Variants in PIEZO1 observed in about 807,000 individuals in gnomAD.
PIEZO1 encodes piezo type mechanosensitive ion channel component 1 (Er blood group).
In PIEZO1, 296 loss-of-function variants were observed where a neutral mutation model predicts 297.2. The ratio of observed to expected loss-of-function variants is 1.00; its 90% CI spans 0.91 to 1.10. PIEZO1 has a LOEUF of 1.10. Ranked by LOEUF, PIEZO1 falls within the 50% of genes least tolerant of loss-of-function variation. The pLI is 0.00. For missense variants in PIEZO1, 5,018 were observed against 3,455.5 expected (o/e 1.45, Z -11.34); for synonymous variants, 2,427 against 1,507.5 (o/e 1.61, Z -14.13).
Position 88,741,553 on chromosome 16 carries a change from CA to C in PIEZO1, c.389del (p.Val130GlyfsTer76). 1 of 1,535,758 alleles carries C rather than the reference CA, an allele frequency of 6.5e-7. No homozygotes were observed. The highest frequency in any genetic ancestry group is 8.7e-7 in the Non-Finnish European group (1 of 1,146,772). On this transcript the variant is annotated frameshift_variant, in exon 5 of 51. Coordinates refer to ENST00000301015, the MANE Select transcript of PIEZO1 (RefSeq NM_001142864.4). LOFTEE classifies it high-confidence loss of function. ...AGATGCCGAGGCAGACAGAGGAGAC[CA>C]CCAAGATGCCCAGGTCAGGGGCCAC... The part of the protein sequence containing the change: ...RLVAPDLGIL[V>X]VSSVCLGICG...
chr16:88,724,776 A>G (rs977145078), intron 30 of PIEZO1, among the ~76,000 whole-genome samples: 2 of 152,174 alleles, frequency 1.3e-5, no homozygotes, highest in Non-Finnish European at 2.9e-5. Context: ...TCATCGGGGC[A>G]AGCTCCGAGA....
Position 88,727,659 on chromosome 16 carries a change from A to C in PIEZO1, c.3199T>G (p.Tyr1067Asp). The C allele has an allele frequency of 6.9e-7, 1 of 1,443,762 alleles. No homozygotes were observed. Among genetic ancestry groups the C allele is most frequent in the Non-Finnish European group, 9.3e-7 (1 of 1,079,878 alleles). The allele number at this position is 1,443,762 out of a possible 1,614,324, so 89.4% of individuals were successfully genotyped here. ...LGMPPALCID[Y>D]PWRWSRAVPM... ...ACGGCCCGGCTCCAGCGCCAGGGAT[A>C]ATCTGGGGGAAGGGGTGTCATGTCA... is the stretch of plus-strand genomic sequence containing the variant. The change falls in exon 23 of 51, where the codon TAT becomes GAT. Residue 1067 changes from tyrosine to aspartate, a missense_variant and splice_region_variant. Transcript: ENST00000301015.
At chr16:88,733,016 G>A (rs990489450) in intron 19 of PIEZO1, 14 of 582,700 alleles carry the variant, frequency 2.4e-5, no homozygotes, top group Admixed American at 6.1e-5. Context: ...CCTGTCCAGG[G>A]GTGGGGCCCT....
At chr16:88,718,070 CAAAAGCCCAACT>C in intron 44 of PIEZO1, 1 of 245,732 alleles carries the variant, frequency 4.1e-6, no homozygotes, top group Non-Finnish European at 8.1e-6. Flanking sequence ...GATCCTATCT[CAAAAGCCCAACT>C]AAACTATGGA....
chr16:88,754,942 C>T (rs140772047), intron 1 of PIEZO1, among the ~76,000 whole-genome samples: 146 of 152,376 alleles, frequency 9.6e-4, no homozygotes, highest in Middle Eastern at 6.8e-3. Flanking sequence ...GAGCTGAAAG[C>T]TGGGGCCCCA....
intron 11 of PIEZO1, 65 bp from the exon 12 acceptor site, chr16:88,736,473 C>T (rs539306691): frequency 5.3e-5 from 44 of 832,564 alleles, no homozygotes; most frequent in East Asian, 4.3e-4. Context: ...CCCACACCTG[C>T]GCGGCAGAGG....
chr16:88,756,102 C>G (rs1425586184), intron 1 of PIEZO1, among the ~76,000 whole-genome samples: 3 of 152,120 alleles, frequency 2.0e-5, no homozygotes, highest in Non-Finnish European at 2.9e-5. Context: ...TATCACACAC[C>G]AGGCAGGGAA....
intron 1 of PIEZO1, 147 bp downstream of exon 1, chr16:88,784,754 G>T: frequency 2.0e-6 from 1 of 497,896 alleles, no homozygotes; most frequent in Non-Finnish European, 3.1e-6. Flanking sequence ...CTTCAGGAAT[G>T]CGGGCGCCCG....
chr16:88,731,487 GAA>G (rs1040958561), intron 22 of PIEZO1: 3 of 574,094 alleles, frequency 5.2e-6, no homozygotes, highest in East Asian at 2.9e-5. Flanking sequence ...GGCAAAAAAG[GAA>G]AAGAGAACAG....
intron 39 of PIEZO1, 103 bp from the exon 40 acceptor site, chr16:88,720,851 A>T: frequency 7.7e-7 from 1 of 1,292,398 alleles, no homozygotes; most frequent in Non-Finnish European, 1.0e-6. Context: ...TTTGACAGAC[A>T]AGCAGACGGA....
chr16:88,774,166 C>T (rs1256071030), intron 1 of PIEZO1, among the ~76,000 whole-genome samples: 2 of 152,240 alleles, frequency 1.3e-5, no homozygotes, highest in African/African-American at 4.8e-5. Context: ...CTCCTGGCCT[C>T]TGCCTGGGCC....
At chr16:88,723,726 G>A (rs1904302069) in intron 31 of PIEZO1, 145 bp downstream of exon 31, 2 of 611,318 alleles carry the variant, frequency 3.3e-6, no homozygotes, top group East Asian at 2.7e-5. Flanking sequence ...GACTTGGGAG[G>A]CCTGGATGGG....
At chr16:88,750,188 T>G (rs1377842761) in intron 1 of PIEZO1, among the ~76,000 whole-genome samples, 1 of 151,270 alleles carries the variant, frequency 6.6e-6, no homozygotes, top group Non-Finnish European at 1.5e-5. Context: ...ATACAAAAAT[T>G]AGCTGGGTGT....
chr16:88,742,274 C>G, intron 3 of PIEZO1, 26 bp downstream of exon 3: 1 of 1,524,716 alleles, frequency 6.6e-7, no homozygotes, highest in Non-Finnish European at 8.8e-7. Context: ...GATGGCTATC[C>G]CTACCCCGCC....
rs980300060 is a variant in PIEZO1, at chr16:88,734,462, G to A, written c.2074C>T (p.Leu692=). The A allele has an allele frequency of 6.5e-7, 1 of 1,549,960 alleles. No homozygotes were observed. Among genetic ancestry groups the A allele is most frequent in the African/African-American group, 1.4e-5 (1 of 73,180 alleles). The change falls in exon 16 of 51, where the codon CTG becomes TTG. Residue 692 remains leucine, a synonymous_variant. Transcript: ENST00000301015. Reference sequence around the variant, plus strand: ...TAGTGCAGCTGCAGGATGCAGGCCAGGAGGAAGAAGCCGGGCACCAGGATG... The same window carrying A: ...TAGTGCAGCTGCAGGATGCAGGCCAAGAGGAAGAAGCCGGGCACCAGGATG... ...SSILVPGFFL[L]ACILQLHYFH...
Position 88,720,641 on chromosome 16 carries a change from G to T in PIEZO1, c.5776C>A (p.Arg1926=). 1 of 1,539,094 alleles carries T rather than the reference G, an allele frequency of 6.5e-7. No individual in the cohort carries two copies. Among genetic ancestry groups the T allele is most frequent in the Non-Finnish European group, 8.8e-7 (1 of 1,142,496 alleles). ...SGGRVRAAGR[R]LQGFCLSLAQ... ...AGGGACAGGCAGAAGCCCTGCAGCCGCCGCCCGGCCGCCCTTACTCTTCCT... is the reference window on the plus strand; with the variant it reads ...AGGGACAGGCAGAAGCCCTGCAGCCTCCGCCCGGCCGCCCTTACTCTTCCT... The change falls in exon 40 of 51, where the codon CGG becomes AGG. Residue 1926 remains arginine, a synonymous_variant. Coordinates refer to ENST00000301015, the MANE Select transcript of PIEZO1 (RefSeq NM_001142864.4).
At position 88,729,909 on chromosome 16, in the gene PIEZO1, G is replaced by A. The variant is rs973624292; in HGVS notation, c.3196+1797C>T. On this transcript the variant is annotated intron_variant, in intron 22 of 50. Coordinates refer to ENST00000301015, the MANE Select transcript of PIEZO1 (RefSeq NM_001142864.4). ...CCATCTGCCACAGAGGGAACCTCAC[G>A]ATACAAAAACAAAGTTACCCTCGAT... Among the ~76,000 whole-genome samples the A allele has an allele frequency of 3.3e-5, 5 of 152,364 alleles. No homozygotes were observed. The South Asian group carries it at 8.3e-4, about 25-fold the overall frequency.
intron 3 of PIEZO1, 60 bp from the exon 4 acceptor site, chr16:88,742,155 T>A (rs1905721006): frequency 6.5e-7 from 1 of 1,528,632 alleles, no homozygotes; most frequent in African/African-American, 1.4e-5. Flanking sequence ...CGTGGCCTGG[T>A]CATCCCTGGA....
Position 88,736,274 on chromosome 16 carries a change from C to A in PIEZO1, c.1431G>T (p.Leu477=), listed in dbSNP as rs1303359820. 6.5e-6 allele frequency: 10 copies of A among 1,550,204 alleles called. No homozygotes were observed. The highest frequency in any genetic ancestry group is 5.5e-5 in the African/African-American group (4 of 73,156). The change falls in exon 12 of 51, where the codon CTG becomes CTT. Residue 477 remains leucine, a synonymous_variant. Transcript: ENST00000301015. ...TGGCCCACACGTAGCGTAGGCAGCACAGCGTCATCCCATACAGCAGGATGC... is the reference window on the plus strand; with the variant it reads ...TGGCCCACACGTAGCGTAGGCAGCAAAGCGTCATCCCATACAGCAGGATGC... The part of the protein sequence containing the change: ...SPCILLYGMT[L]CCLRYVWAMD...
Sources: allele counts gnomAD v4.1 joint callset (sites outside exome capture counted in the v4.1 genomes callset), GRCh38; gene constraint gnomAD v4.1.1; transcripts MANE v1.5; gene names NCBI Gene and HGNC (gene_info 2026-07-23, HGNC 2026-07-21).